The following CDH4 variants were observed in gnomAD, a reference collection of about 807,000 sequenced individuals.
CDH4 encodes cadherin 4.
A neutral mutation model predicts 86.0 loss-of-function variants in CDH4; 33 were observed. The ratio of observed to expected loss-of-function variants is 0.38; its 90% confidence interval spans 0.29 to 0.51. The LOEUF is 0.51. CDH4 is among the 20% of genes least tolerant of loss of function. CDH4 has a pLI of 0.86. For missense variants in CDH4, 1,114 were observed against 1,307.4 expected (o/e 0.85, Z 2.28); for synonymous variants, 555 against 549.4 (o/e 1.01, Z -0.14).
chr20:61,434,393 G>C (rs927978297), intron 2 of CDH4, among the ~76,000 whole-genome samples: 7 of 152,160 alleles, frequency 4.6e-5, no homozygotes, highest in Admixed American at 1.3e-4. Flanking sequence ...AGTTAAAGAC[G>C]TCTCAAGGGA....
intron 2 of CDH4, among the ~76,000 whole-genome samples, chr20:61,476,657 C>G (rs2085538031): frequency 1.3e-5 from 2 of 152,324 alleles, no homozygotes; most frequent in African/African-American, 4.8e-5. Context: ...TTCTGTGTAG[C>G]TGAAGAGCTC....
chr20:61,460,079 A>G (rs1400508417), intron 2 of CDH4, among the ~76,000 whole-genome samples: 1 of 152,180 alleles, frequency 6.6e-6, no homozygotes, highest in Admixed American at 6.5e-5. Flanking sequence ...CAATCAGTGG[A>G]TATTATCCCT....
intron 2 of CDH4, chr20:61,738,602 C>T (rs564427372): frequency 2.0e-5 from 3 of 152,414 alleles, no homozygotes; most frequent in African/African-American, 7.2e-5. Flanking sequence ...TTGGGGATTC[C>T]TCGGAGGCAC....
chr20:61,433,764 G>T (rs966107465), intron 2 of CDH4, among the ~76,000 whole-genome samples: 34 of 152,264 alleles, frequency 2.2e-4, no homozygotes, highest in Admixed American at 2.0e-3. Flanking sequence ...TGGGTAGGAG[G>T]TTCCCTAGGA....
intron 2 of CDH4, among the ~76,000 whole-genome samples, chr20:61,461,316 C>T (rs1057079494): frequency 1.1e-4 from 17 of 152,138 alleles, no homozygotes; most frequent in African/African-American, 3.6e-4. Context: ...ATCAAAGCTT[C>T]GCAGACACTG....
intron 2 of CDH4, among the ~76,000 whole-genome samples, chr20:61,698,085 C>T (rs1332662334): frequency 6.6e-6 from 1 of 152,248 alleles, no homozygotes; most frequent in Non-Finnish European, 1.5e-5. Context: ...CTGCCCGAGA[C>T]AGCAGCCATT....
At chr20:61,565,981 G>A (rs1009556095) in intron 2 of CDH4, among the ~76,000 whole-genome samples, 1 of 152,124 alleles carries the variant, frequency 6.6e-6, no homozygotes, top group Admixed American at 6.5e-5. Flanking sequence ...CCCTCGTCTT[G>A]TCCCCGTTGC....
chr20:61,477,342 CG>C (rs11204425), intron 2 of CDH4, among the ~76,000 whole-genome samples: 52,804 of 152,004 alleles, frequency 0.35, 11,160 homozygotes, highest in Admixed American at 0.48. Flanking sequence ...TGGGGTTAGG[CG>C]TGGAAACGAG....
chr20:61,741,584 C>T (rs2088336192), intron 2 of CDH4, among the ~76,000 whole-genome samples: 1 of 152,050 alleles, frequency 6.6e-6, no homozygotes, highest in African/African-American at 2.4e-5. Context: ...CTCCTCCTCC[C>T]AGGTTCACGC....
rs532144876 is a variant in CDH4, at chr20:61,528,113, C to T, written c.170-215450C>T. Among the ~76,000 whole-genome samples the T allele has an allele frequency of 3.3e-5, 5 of 152,072 alleles. No homozygotes were observed. The South Asian group carries it at 1.0e-3, about 32-fold the overall frequency. Reference sequence around the variant, plus strand: ...AAAACAGGCTGGGTGTGGTGGCTCACGCCTGTAATCCCAGCACTTTGGGAG... The same window carrying T: ...AAAACAGGCTGGGTGTGGTGGCTCATGCCTGTAATCCCAGCACTTTGGGAG... On this transcript the variant is annotated intron_variant, in intron 2 of 15. Coordinates refer to ENST00000614565, the MANE Select transcript of CDH4 (RefSeq NM_001794.5).
At chr20:61,781,042 G>A (rs546113678) in intron 4 of CDH4, among the ~76,000 whole-genome samples, 5 of 152,174 alleles carry the variant, frequency 3.3e-5, no homozygotes, top group Admixed American at 1.3e-4. Context: ...GAGAGGCACC[G>A]AAGGACCCAG....
At chr20:61,388,810 C>T (rs1332337458) in intron 2 of CDH4, among the ~76,000 whole-genome samples, 1 of 152,200 alleles carries the variant, frequency 6.6e-6, no homozygotes, top group Admixed American at 6.5e-5. Flanking sequence ...TCTCTTAGAG[C>T]TGTTTCATGA....
At chr20:61,375,973 G>C (rs1229214471) in intron 2 of CDH4, among the ~76,000 whole-genome samples, 1 of 138,036 alleles carries the variant, frequency 7.2e-6, no homozygotes, top group African/African-American at 2.7e-5. Context: ...GGTGGTGATG[G>C]TATGGTTTGT....
chr20:61,370,042 G>A (rs7268251), intron 2 of CDH4: 122,691 of 152,402 alleles, frequency 0.81, 49,499 homozygotes, highest in South Asian at 0.9. Flanking sequence ...GAAGGTTTCT[G>A]AGCCATGCAG....
At chr20:61,894,790 G>A (rs1368505954) in intron 7 of CDH4, 120 bp from the exon 8 acceptor site, 2 of 1,127,300 alleles carry the variant, frequency 1.8e-6, no homozygotes, top group East Asian at 4.9e-5. Flanking sequence ...ACAGCCCCCA[G>A]TGAAAGAGAA....
chr20:61,677,012 T>G (rs2087451442), intron 2 of CDH4, among the ~76,000 whole-genome samples: 1 of 152,160 alleles, frequency 6.6e-6, no homozygotes, highest in Admixed American at 6.5e-5. Flanking sequence ...AGGAGGGTGC[T>G]GAGGACCAGA....
Position 61,684,358 on chromosome 20 carries a change from C to T in CDH4, c.170-59205C>T, listed in dbSNP as rs74507512. On this transcript the variant is annotated intron_variant, in intron 2 of 15. Coordinates refer to ENST00000614565, the MANE Select transcript of CDH4 (RefSeq NM_001794.5). The surrounding 1 kb of genome is among the most constrained non-coding windows in gnomAD (Gnocchi z 4.5). Reference sequence around the variant, plus strand: ...CGCCCAGCTAAGGAAGCAGCAAGCGCGGAGCACGTGGCCTCAACCTCCGTC... The same window carrying T: ...CGCCCAGCTAAGGAAGCAGCAAGCGTGGAGCACGTGGCCTCAACCTCCGTC... Among the ~76,000 whole-genome samples, 2,556 of 152,276 alleles carry T rather than the reference C, an allele frequency of 0.017. 56 individuals carry two copies. The highest frequency in any genetic ancestry group is 0.059 in the African/African-American group (2,437 of 41,554).
At chr20:61,389,823 G>T (rs12625302) in intron 2 of CDH4, among the ~76,000 whole-genome samples, 3 of 151,266 alleles carry the variant, frequency 2.0e-5, no homozygotes, top group Non-Finnish European at 2.9e-5. Flanking sequence ...GGGAAACCCC[G>T]ATTGACATCG....
intron 14 of CDH4, among the ~76,000 whole-genome samples, chr20:61,933,827 A>G (rs114281249): frequency 0.014 from 2,171 of 152,288 alleles, 54 homozygotes; most frequent in African/African-American, 0.05. Flanking sequence ...CATGGAACAC[A>G]GCCAAGAACA....
Sources: allele counts gnomAD v4.1 joint callset (sites outside exome capture counted in the v4.1 genomes callset), GRCh38; gene constraint gnomAD v4.1.1; non-coding constraint Gnocchi (gnomAD v3.1); transcripts MANE v1.5; gene names NCBI Gene and HGNC (gene_info 2026-07-23, HGNC 2026-07-21).